The following ADAMTS8 variants were observed in gnomAD, a reference collection of about 807,000 sequenced individuals.
ADAMTS8 encodes A disintegrin and metalloproteinase with thrombospondin motifs 8.
Under a neutral mutation model 64.4 loss-of-function variants are expected in ADAMTS8, and 50 were observed. That is an observed-to-expected ratio of 0.78 (90% confidence interval 0.62 to 0.98). ADAMTS8 has a LOEUF of 0.98. ADAMTS8 is among the 50% of genes least tolerant of loss of function. The pLI is 0.00. For missense variants in ADAMTS8, 1,192 were observed against 1,208.2 expected (o/e 0.99, Z 0.20); for synonymous variants, 556 against 533.6 (o/e 1.04, Z -0.58).
chr11:130,426,693 A>G (rs1862170936), intron 1 of ADAMTS8, among the ~76,000 whole-genome samples: 1 of 152,182 alleles, frequency 6.6e-6, no homozygotes, highest in Admixed American at 6.5e-5. Flanking sequence ...CTAGTTAGAA[A>G]TGGTCTGGTT....
rs377242555 is a variant in ADAMTS8, at chr11:130,408,543, G to A, written c.2020C>T (p.Arg674Trp). ...CACACCCCGCATTTGTCCAGCTTCCGAGGCGAGTCCACCACATGGTCACAG... is the reference window on the plus strand; with the variant it reads ...CACACCCCGCATTTGTCCAGCTTCCAAGGCGAGTCCACCACATGGTCACAG... ...AGCDHVVDSP[R>W]KLDKCGVCGG... Residue 674 changes from arginine (R) to tryptophan (W), a missense_variant, in exon 8 of 9, where the codon CGG becomes TGG. By Grantham distance (101) the Arg-to-Trp change is moderately radical. This residue lies in a region of ADAMTS8 where 290 missense variants were observed against 297.8 expected (regional missense o/e 0.97). Transcript: ENST00000257359. The A allele has an allele frequency of 1.2e-5, 19 of 1,613,992 alleles. No homozygotes were observed. The highest frequency in any genetic ancestry group is 1.4e-5 in the Non-Finnish European group (17 of 1,180,032).
intron 5 of ADAMTS8, among the ~76,000 whole-genome samples, chr11:130,412,736 A>G (rs1240952221): frequency 1.3e-5 from 2 of 152,236 alleles, no homozygotes; most frequent in East Asian, 3.8e-4. Flanking sequence ...CATGATTTTC[A>G]CCAATATTTT....
intron 8 of ADAMTS8, among the ~76,000 whole-genome samples, chr11:130,406,362 T>C (rs1861885428): frequency 6.6e-6 from 1 of 152,214 alleles, no homozygotes; most frequent in African/African-American, 2.4e-5. Context: ...ATTTCAAAAG[T>C]GTGGTTGAGG....
chr11:130,427,917 C>T lies in ADAMTS8; in HGVS notation c.370G>A (p.Gly124Ser), dbSNP rs781470917. The T allele has an allele frequency of 1.3e-6, 2 of 1,533,652 alleles. No homozygotes were observed. Among genetic ancestry groups the T allele is most frequent in the Non-Finnish European group, 8.7e-7 (1 of 1,146,242 alleles). The change falls in exon 1 of 9, where the codon GGC becomes AGC. Residue 124 changes from glycine to serine, a missense_variant. Gly to Ser is a moderately conservative substitution (Grantham distance 56, BLOSUM62 0). Around this residue, in one of 5 missense-constraint regions of ADAMTS8, gnomAD observed 741 missense variants for 710.6 expected, o/e 1.04. Coordinates refer to ENST00000257359, the MANE Select transcript of ADAMTS8 (RefSeq NM_007037.6). Reference protein sequence around the residue: ...AAVSLCRGLSGSFLLDGEEFT... With the variant: ...AAVSLCRGLSSSFLLDGEEFT... ...TCCTCGCCGTCCAGCAGGAAGGAGC[C>T]GCTCAGCCCGCGGCACAGGCTGACC...
chr11:130,416,296 C>G lies in ADAMTS8; in HGVS notation c.1131G>C (p.Lys377Asn). Residue 377 changes from lysine to asparagine, a missense_variant, in exon 4 of 9, where the codon AAG (lysine) becomes AAC (asparagine). By Grantham distance (94) the Lys-to-Asn change is moderately conservative. Coordinates refer to ENST00000257359, the MANE Select transcript of ADAMTS8 (RefSeq NM_007037.6). The surrounding 1 kb of genome is among the most constrained non-coding windows in gnomAD (Gnocchi z 4.8). ...TGGGCCCGAAGAGCCGTGTGCAGGG[C>G]TTGGAGTCGTCGTGGGGCATGCTGA... is the stretch of plus-strand genomic sequence containing the variant. ...HVLSMPHDDS[K>N]PCTRLFGPMG... The G allele has an allele frequency of 6.4e-7, 1 of 1,574,366 alleles. No homozygotes were observed. Among genetic ancestry groups the G allele is most frequent in the East Asian group, 2.3e-5 (1 of 42,870 alleles).
Position 130,416,217 on chromosome 11 carries a change from G to T in ADAMTS8, c.1210C>A (p.Pro404Thr), listed in dbSNP as rs1216062930. Residue 404 changes from proline (P) to threonine (T), a missense_variant, in exon 4 of 9, where the codon CCC (proline) becomes ACC (threonine). Around this residue, in one of 5 missense-constraint regions of ADAMTS8, gnomAD observed 741 missense variants for 710.6 expected, o/e 1.04. Coordinates refer to ENST00000257359, the MANE Select transcript of ADAMTS8 (RefSeq NM_007037.6). The surrounding 1 kb of genome is among the most constrained non-coding windows in gnomAD (Gnocchi z 4.8). ...PLFVHLNQTL[P>T]WSPCSAMYLT... ...TACATGGCGCTGCAGGGGGACCAGG[G>T]CAGCGTCTGGTTCAGGTGGACGAAC... The T allele has an allele frequency of 6.3e-7, 1 of 1,596,356 alleles. No individual in the cohort carries two copies. Among genetic ancestry groups the T allele is most frequent in the Admixed American group, 1.7e-5 (1 of 57,716 alleles).
chr11:130,428,137 C>T lies in ADAMTS8; in HGVS notation c.150G>A (p.Ala50=). Residue 50 remains alanine, a synonymous_variant, in exon 1 of 9, where the codon GCG becomes GCA. Coordinates refer to ENST00000257359, the MANE Select transcript of ADAMTS8 (RefSeq NM_007037.6). ...CGGACAGGTGGAGCGCGAGCTCGCC[C>T]GCGCTGCCGGGCAACCGCGTGGGCA... The part of the protein sequence containing the change: ...LVVPTRLPGS[A]GELALHLSAF... 3 of 1,494,254 alleles carry T rather than the reference C, an allele frequency of 2.0e-6. No homozygotes were observed. The highest frequency in any genetic ancestry group is 1.8e-6 in the Non-Finnish European group (2 of 1,130,936). 92.6% of individuals were successfully genotyped at this position (1,494,254 alleles called of 1,614,324 possible).
In ADAMTS8 at chr11:130,422,468, C is replaced by T. The variant is rs541944955; in HGVS notation, c.721-3176G>A. 3.3e-5 allele frequency among the ~76,000 whole-genome samples: 5 copies of T among 152,216 alleles called. No homozygotes were observed. In the South Asian group the frequency reaches 6.2e-4, roughly 19 times the overall value. On this transcript the variant is annotated intron_variant, in intron 1 of 8. Transcript: ENST00000257359. Reference sequence around the variant, plus strand: ...TACATCCAGCCGGTTTGCGCTTCACCGGTGGCTCCACAGCTTTCCCTTGCG... The same window carrying T: ...TACATCCAGCCGGTTTGCGCTTCACTGGTGGCTCCACAGCTTTCCCTTGCG...
Position 130,416,163 on chromosome 11 carries a change from C to T in ADAMTS8, c.1264G>A (p.Gly422Arg), listed in dbSNP as rs375213390. 1.0e-5 allele frequency: 16 copies of T among 1,573,656 alleles called. No homozygotes were observed. The highest frequency in any genetic ancestry group is 3.5e-5 in the South Asian group (3 of 86,168). The change falls in exon 4 of 9, where the codon GGA becomes AGA. Residue 422 changes from glycine (G) to arginine (R), a missense_variant and splice_region_variant. This residue lies in a region of ADAMTS8 where 741 missense variants were observed against 710.6 expected (regional missense o/e 1.04). Transcript: ENST00000257359. This position sits in a 1 kb window ranked among gnomAD's most constrained non-coding sequence, Gnocchi z 4.8. ...YLTELLDGGHGDCLLDAPAAA... is the reference protein window; with the variant it reads ...YLTELLDGGHRDCLLDAPAAA... ...GTAGGGCGGGGCCGCCGGTGCCTAC[C>T]GTGCCCGCCGTCCAGAAGCTCTGTG...
rs1238860000 is a variant in ADAMTS8 at position 130,427,952 on chromosome 11, G to C, written c.335C>G (p.Ser112Trp). 1.3e-6 allele frequency: 2 copies of C among 1,531,994 alleles called. No homozygotes were observed. Among genetic ancestry groups the C allele is most frequent in the Non-Finnish European group, 1.7e-6 (2 of 1,145,676 alleles). The allele number at this position is 1,531,994 out of a possible 1,614,324, so 94.9% of individuals were successfully genotyped here. Residue 112 changes from serine to tryptophan, a missense_variant, in exon 1 of 9, where the codon TCG (serine) becomes TGG (tryptophan). Transcript: ENST00000257359. ...GCGGCACAGGCTGACCGCCGCCAGC[G>C]ACTCGGGCTCCCCATTCACGGTGCC... ...FSGTVNGEPE[S>W]LAAVSLCRGL... is the part of the protein sequence containing the mutation.
Position 130,408,897 on chromosome 11 carries a change from G to A in ADAMTS8, c.1794C>T (p.Tyr598=). Residue 598 remains tyrosine, a synonymous_variant, in exon 7 of 9, where the codon TAC becomes TAT. Transcript: ENST00000257359. ...REQQCEKYNA[Y]NYTDMDGNLL... Reference sequence around the variant, plus strand: ...GATTCCCGTCCATGTCAGTGTAATTGTAGGCATTATACTTCTCACACTGCT... The same window carrying A: ...GATTCCCGTCCATGTCAGTGTAATTATAGGCATTATACTTCTCACACTGCT... 6.2e-7 allele frequency: 1 copy of A among 1,601,854 alleles called. No homozygotes were observed. Among genetic ancestry groups the A allele is most frequent in the Non-Finnish European group, 8.5e-7 (1 of 1,174,600 alleles).
intron 1 of ADAMTS8, among the ~76,000 whole-genome samples, chr11:130,424,532 G>C (rs1019875930): frequency 6.6e-6 from 1 of 152,146 alleles, no homozygotes; most frequent in Non-Finnish European, 1.5e-5. Flanking sequence ...AGAGGTAAAG[G>C]CTCTTCTCAT....
intron 6 of ADAMTS8, among the ~76,000 whole-genome samples, chr11:130,409,186 G>A (rs1861923329): frequency 6.6e-6 from 1 of 152,154 alleles, no homozygotes; most frequent in African/African-American, 2.4e-5. Context: ...TTTCCATTAG[G>A]GAAAGAGACT....
chr11:130,427,086 G>A (rs1862176520), intron 1 of ADAMTS8, among the ~76,000 whole-genome samples: 1 of 152,266 alleles, frequency 6.6e-6, no homozygotes, highest in Non-Finnish European at 1.5e-5. Context: ...CCATACCCAA[G>A]GGAATCAGAC....
At chr11:130,410,502 G>A (rs1026971808) in intron 6 of ADAMTS8, among the ~76,000 whole-genome samples, 1 of 152,088 alleles carries the variant, frequency 6.6e-6, no homozygotes, top group Non-Finnish European at 1.5e-5. Flanking sequence ...TACAATTCCA[G>A]GGCAAAGTTT....
intron 8 of ADAMTS8, 78 bp from the exon 9 acceptor site, chr11:130,406,206 T>C: frequency 6.6e-7 from 1 of 1,505,646 alleles, no homozygotes. Context: ...GAGACTGAAG[T>C]GGGCACCCCA....
chr11:130,408,519 A>G lies in ADAMTS8; in HGVS notation c.2044T>C (p.Cys682Arg), dbSNP rs1226712023. The change falls in exon 8 of 9, where the codon TGT (cysteine) becomes CGT (arginine). Residue 682 changes from cysteine (C) to arginine (R), a missense_variant. Cys to Arg is a radical substitution (Grantham distance 180). Transcript: ENST00000257359. ...SPRKLDKCGVCGGKGNSCRKV... is the reference protein window; with the variant it reads ...SPRKLDKCGVRGGKGNSCRKV... ...CTGCAGGAGTTGCCTTTGCCCCCAC[A>G]CACCCCGCATTTGTCCAGCTTCCGA... 4.3e-6 allele frequency: 7 copies of G among 1,613,962 alleles called. No individual in the cohort carries two copies. The highest frequency in any genetic ancestry group is 5.9e-6 in the Non-Finnish European group (7 of 1,180,020).
chr11:130,407,280 A>ATTGC (rs1861896338), intron 8 of ADAMTS8, among the ~76,000 whole-genome samples: 1 of 152,188 alleles, frequency 6.6e-6, no homozygotes, highest in Non-Finnish European at 1.5e-5. Flanking sequence ...AGGCAGGAGA[A>ATTGC]TTGCTTGAAC....
rs562253673 is a variant in ADAMTS8, at chr11:130,406,054, C to T, written c.2174G>A (p.Gly725Asp). The change falls in exon 9 of 9, where the codon GGT (glycine) becomes GAT (aspartate). Residue 725 changes from glycine (G) to aspartate (D), a missense_variant. Gly to Asp is a moderately conservative substitution (Grantham distance 94). Coordinates refer to ENST00000257359, the MANE Select transcript of ADAMTS8 (RefSeq NM_007037.6). ...CAGGTAGTTCCCATCGTTCTGCACA[C>T]CCGGGTGGCTCCGCTGCTTCACGTC... Reference protein sequence around the residue: ...NIDVKQRSHPGVQNDGNYLAL... With the variant: ...NIDVKQRSHPDVQNDGNYLAL... 3.1e-6 allele frequency: 5 copies of T among 1,613,950 alleles called. No individual in the cohort carries two copies. The African/African-American group carries it at 4.0e-5, about 13-fold the overall frequency.
Sources: allele counts gnomAD v4.1 joint callset (sites outside exome capture counted in the v4.1 genomes callset), GRCh38; gene constraint gnomAD v4.1.1; regional missense constraint gnomAD v4.1.1; non-coding constraint Gnocchi (gnomAD v3.1); transcripts MANE v1.5; gene names NCBI Gene and HGNC (gene_info 2026-07-23, HGNC 2026-07-21).